The following PRKAA1 variants were observed in gnomAD, a reference collection of about 807,000 sequenced individuals.
PRKAA1 encodes 5'-AMP-activated protein kinase catalytic subunit alpha-1.
Under a neutral mutation model 56.9 loss-of-function variants are expected in PRKAA1, and 23 were observed. That is an observed-to-expected ratio of 0.40 (90% CI 0.29 to 0.57). PRKAA1 has a LOEUF of 0.57. PRKAA1 is among the 20% of genes least tolerant of loss of function. PRKAA1 has a pLI of 0.39. For synonymous variants in PRKAA1, 226 were observed against 227.0 expected (o/e 1.00, Z 0.04); for missense variants, 413 against 679.7 (o/e 0.61, Z 4.36).
intron 3 of PRKAA1, among the ~76,000 whole-genome samples, chr5:40,772,660 G>A (rs1297542638): frequency 6.6e-6 from 1 of 151,906 alleles, no homozygotes; most frequent in Non-Finnish European, 1.5e-5. Flanking sequence ...TTGAGATCCA[G>A]TCTCGTTCTG....
chr5:40,762,708 A>T lies in PRKAA1; in HGVS notation c.*70T>A. The stretch of plus-strand genomic sequence containing the variant: ...TATAATTATGTATAACTTGATTACA[A>T]ATGGAAGCATTTGGCTGTGACTTAT... On this transcript the variant is annotated 3_prime_UTR_variant, in exon 9 of 9. Coordinates refer to ENST00000397128, the MANE Select transcript of PRKAA1 (RefSeq NM_006251.6). The T allele has an allele frequency of 6.4e-7, 1 of 1,570,628 alleles. No individual in the cohort carries two copies. Among genetic ancestry groups the T allele is most frequent in the Non-Finnish European group, 8.7e-7 (1 of 1,152,610 alleles).
intron 4 of PRKAA1, among the ~76,000 whole-genome samples, chr5:40,770,592 A>ATTT (rs1743691560): frequency 7.0e-6 from 1 of 143,156 alleles, no homozygotes; most frequent in Non-Finnish European, 1.5e-5. Context: ...GAAAAAATAA[A>ATTT]TTCTTTTTTT....
rs17848594 is a variant in PRKAA1, at chr5:40,762,892, G to C, written c.1566C>G (p.Thr522=). The change falls in exon 9 of 9, where the codon ACC becomes ACG. Residue 522 remains threonine, a synonymous_variant. Coordinates refer to ENST00000397128, the MANE Select transcript of PRKAA1 (RefSeq NM_006251.6). The stretch of plus-strand genomic sequence containing the variant: ...AAGAGTCAAGTGAGGTCACAGATGA[G>C]GTAAGAGAAACTTCTGAGGATTTTC... ...AQGKSSEVSL[T]SSVTSLDSSP... The C allele has an allele frequency of 4.3e-6, 7 of 1,614,164 alleles. No homozygotes were observed. The East Asian group carries it at 1.6e-4, about 36-fold the overall frequency.
chr5:40,779,664 T>C (rs548499401), intron 1 of PRKAA1, among the ~76,000 whole-genome samples: 72 of 152,268 alleles, frequency 4.7e-4, no homozygotes, highest in African/African-American at 1.6e-3. Context: ...AACCTGAATC[T>C]TCTGACAAGA....
In PRKAA1 at chr5:40,762,935, G is replaced by A. The variant is rs1230030619; in HGVS notation, c.1523C>T (p.Ser508Leu). 2 of 1,614,036 alleles carry A rather than the reference G, an allele frequency of 1.2e-6. No homozygotes were observed. The highest frequency in any genetic ancestry group is 1.7e-6 in the Non-Finnish European group (2 of 1,180,030). Residue 508 changes from serine (S) to leucine (L), a missense_variant, in exon 9 of 9, where the codon TCA (serine) becomes TTA (leucine). Transcript: ENST00000397128. ...GGATTTTCCTTGAGCCTCAGCATCT[G>A]AATCACTCCTTTGGCAAGATCGATA... ...SNYRSCQRSDSDAEAQGKSSE... is the reference protein window; with the variant it reads ...SNYRSCQRSDLDAEAQGKSSE...
At chr5:40,764,322 CA>C in intron 8 of PRKAA1, 191 bp downstream of exon 8, 1 of 526,038 alleles carries the variant, frequency 1.9e-6, no homozygotes, top group South Asian at 3.4e-5. Context: ...CTTAAAAGGA[CA>C]ATATGCTATA....
chr5:40,768,932 C>T (rs1186930457), intron 5 of PRKAA1: 1 of 1,529,772 alleles, frequency 6.5e-7, no homozygotes, highest in Admixed American at 1.7e-5. Context: ...TATAATATTG[C>T]AGTCTCTAAA....
chr5:40,774,518 A>G lies in PRKAA1; in HGVS notation c.363+892T>C, dbSNP rs570806932. Among the ~76,000 whole-genome samples, 159 of 150,718 alleles carry G rather than the reference A, an allele frequency of 1.1e-3. 1 individual carries two copies. The highest frequency in any genetic ancestry group is 3.7e-3 in the African/African-American group (152 of 41,008). The stretch of plus-strand genomic sequence containing the variant: ...GAAAAGATAAGAAAAATATATATCA[A>G]TTGTGCCTGTTTCCCATTTCTCCAG... On this transcript the variant is annotated intron_variant, in intron 3 of 8. Coordinates refer to ENST00000397128, the MANE Select transcript of PRKAA1 (RefSeq NM_006251.6).
At chr5:40,773,267 G>T (rs1277719027) in intron 3 of PRKAA1, among the ~76,000 whole-genome samples, 1 of 151,992 alleles carries the variant, frequency 6.6e-6, no homozygotes, top group East Asian at 1.9e-4. Flanking sequence ...TTCTAGATTT[G>T]TAGGTTCATG....
At chr5:40,778,717 G>A (rs976275033) in intron 1 of PRKAA1, among the ~76,000 whole-genome samples, 1 of 147,036 alleles carries the variant, frequency 6.8e-6, no homozygotes, top group Non-Finnish European at 1.5e-5. Context: ...TCTGGTTCAT[G>A]TGCATGTGGT....
At chr5:40,764,205 C>A in intron 8 of PRKAA1, 1 of 182,884 alleles carries the variant, frequency 5.5e-6, no homozygotes, top group East Asian at 1.4e-4. Flanking sequence ...CTAAATAAAA[C>A]ATTGTCTCTT....
chr5:40,775,604 G>C, intron 2 of PRKAA1, 101 bp from the exon 3 acceptor site: 2 of 935,614 alleles, frequency 2.1e-6, no homozygotes, highest in Non-Finnish European at 3.2e-6. Context: ...ACTAGGCTAG[G>C]AGCTAGAAAA....
intron 1 of PRKAA1, among the ~76,000 whole-genome samples, chr5:40,786,487 G>C (rs1270858443): frequency 6.6e-6 from 1 of 151,804 alleles, no homozygotes; most frequent in Admixed American, 6.6e-5. Flanking sequence ...TTCTAAAGAA[G>C]TACCAAACAG....
At chr5:40,783,455 C>T (rs1291074412) in intron 1 of PRKAA1, among the ~76,000 whole-genome samples, 3 of 151,972 alleles carry the variant, frequency 2.0e-5, no homozygotes, top group Non-Finnish European at 4.4e-5. Flanking sequence ...GTATTCTTAT[C>T]AGTTAGAAAA....
chr5:40,792,957 C>T (rs1744776619), intron 1 of PRKAA1, among the ~76,000 whole-genome samples: 1 of 151,304 alleles, frequency 6.6e-6, no homozygotes, highest in Admixed American at 6.6e-5. Context: ...ATCCCAGCCA[C>T]TTGGGAGGCT....
At position 40,798,215 on chromosome 5, in the gene PRKAA1, G is replaced by T. The variant is rs760009015; in HGVS notation, c.-26C>A. 9 of 570,126 alleles carry T rather than the reference G, an allele frequency of 1.6e-5. No homozygotes were observed. Among genetic ancestry groups the T allele is most frequent in the Admixed American group, 7.6e-5 (2 of 26,170 alleles). The allele number at this position is 570,126 out of a possible 1,614,324, so 35.3% of individuals were successfully genotyped here. A position where few individuals can be genotyped will look rare whatever the true frequency, so the allele number is the denominator to read the frequency against. ...GGCGCTGCGGGAGGGGGCGGAGGGG[G>T]CGGGCAGGGCCGCGCCGGGGGCGGG... is the stretch of plus-strand genomic sequence containing the variant. On this transcript the variant is annotated 5_prime_UTR_variant, in exon 1 of 9. Transcript: ENST00000397128.
At chr5:40,764,438 C>T in intron 8 of PRKAA1, 76 bp downstream of exon 8, 1 of 1,380,200 alleles carries the variant, frequency 7.2e-7, no homozygotes, top group Non-Finnish European at 9.8e-7. Flanking sequence ...AGTCAAGAAG[C>T]CTCAAAAGAA....
chr5:40,768,792 G>A (rs531040711), intron 5 of PRKAA1: 1 of 1,410,176 alleles, frequency 7.1e-7, no homozygotes, highest in East Asian at 2.7e-5. Context: ...CAGTAGTATA[G>A]TGAAGGACAA....
chr5:40,783,841 G>C (rs1168441969), intron 1 of PRKAA1, among the ~76,000 whole-genome samples: 2 of 152,130 alleles, frequency 1.3e-5, no homozygotes, highest in Non-Finnish European at 1.5e-5. Context: ...GAGTTGAATA[G>C]GGTTGAACCC....
Sources: gnomAD v4.1 joint callset for allele counts (sites outside exome capture counted in the v4.1 genomes callset) on GRCh38, gnomAD v4.1.1 for gene constraint, MANE v1.5 for transcripts, NCBI Gene and HGNC (gene_info 2026-07-23, HGNC 2026-07-21) for gene names.